CIT: variants seen among roughly 807,000 people sequenced by gnomAD.
The protein encoded by CIT is citron Rho-interacting kinase.
A neutral mutation model predicts 272.7 loss-of-function variants in CIT; 79 were observed. The ratio of observed to expected loss-of-function variants is 0.29; its 90% CI spans 0.24 to 0.35. The LOEUF is 0.35. Ranked by LOEUF, CIT falls within the 10% of genes least tolerant of loss-of-function variation. CIT has a pLI of 1.00. For missense variants in CIT, 1,909 were observed against 2,618.3 expected, an observed-to-expected ratio of 0.73 and a Z score of 5.91; for synonymous variants, 948 against 995.6, an observed-to-expected ratio of 0.95 and a Z score of 0.90.
intron 9 of CIT, among the ~76,000 whole-genome samples, chr12:119,813,919 A>G (rs1966903946): frequency 6.6e-6 from 1 of 151,944 alleles, no homozygotes; most frequent in South Asian, 2.1e-4. Context: ...AGCATTCTGG[A>G]CTTTTTTTTC....
intron 8 of CIT, 68 bp from the exon 9 acceptor site, chr12:119,823,041 G>A: frequency 6.8e-7 from 1 of 1,473,276 alleles, no homozygotes; most frequent in Non-Finnish European, 9.2e-7. Flanking sequence ...GCAAAGTGAA[G>A]AAAGTATTTC....
chr12:119,764,152 C>A (rs73215378), intron 19 of CIT, among the ~76,000 whole-genome samples: 3,527 of 152,296 alleles, frequency 0.023, 48 homozygotes, highest in Non-Finnish European at 0.032. Context: ...GCACACATTT[C>A]ATCCAAGGCC....
chr12:119,833,892 A>C (rs1211998746), intron 6 of CIT, among the ~76,000 whole-genome samples, 194 bp downstream of exon 6: 1 of 151,870 alleles, frequency 6.6e-6, no homozygotes, highest in African/African-American at 2.4e-5. Context: ...GATCTATTGC[A>C]CTGCTGGATA....
At position 119,748,902 on chromosome 12, in the gene CIT, A is replaced by G. The variant is rs574617079; in HGVS notation, c.2904+3148T>C. On this transcript the variant is annotated intron_variant, in intron 23 of 47. Coordinates refer to ENST00000392521, the MANE Select transcript of CIT (RefSeq NM_001206999.2). ...GAGTGATGCTTATACCACATCACAC[A>G]TCGTGTGCTATAAGGTGTGCAGACT... 6.6e-5 allele frequency among the ~76,000 whole-genome samples: 10 copies of G among 152,370 alleles called. No homozygotes were observed. The East Asian group carries it at 1.7e-3, about 26-fold the overall frequency.
intron 22 of CIT, among the ~76,000 whole-genome samples, chr12:119,754,386 C>G (rs1565992802): frequency 6.6e-6 from 1 of 152,210 alleles, no homozygotes; most frequent in African/African-American, 2.4e-5. Flanking sequence ...CTGTACCCTT[C>G]TGTCTTACTA....
chr12:119,837,177 C>T (rs1204008552), intron 5 of CIT, among the ~76,000 whole-genome samples: 1 of 152,140 alleles, frequency 6.6e-6, no homozygotes, highest in African/African-American at 2.4e-5. Flanking sequence ...CCAAAAATTC[C>T]AACAGTGCAC....
intron 3 of CIT, among the ~76,000 whole-genome samples, chr12:119,864,336 G>T (rs1027923348): frequency 6.6e-6 from 1 of 151,736 alleles, no homozygotes; most frequent in African/African-American, 2.4e-5. Context: ...TTTTGAAGGG[G>T]GTGTTGTTTT....
At chr12:119,732,714 TGAGA>T (rs1446922737) in intron 26 of CIT, among the ~76,000 whole-genome samples, 25 of 152,202 alleles carry the variant, frequency 1.6e-4, no homozygotes, top group African/African-American at 5.8e-4. Flanking sequence ...CAAGCAAAAG[TGAGA>T]GATAGATACC....
rs545318362 is a variant in CIT at position 119,761,711 on chromosome 12, C to G, written c.2305-656G>C. ...TCCCTGGTTCTTTCCTCTGATCCAA[C>G]TAGGGGGAGAAAAAAAAGTCACTGG... On this transcript the variant is annotated intron_variant, in intron 19 of 47. Transcript: ENST00000392521. 2.0e-5 allele frequency among the ~76,000 whole-genome samples: 3 copies of G among 152,166 alleles called. No individual in the cohort carries two copies. In the East Asian group the frequency reaches 5.8e-4, roughly 29 times the overall value.
intron 19 of CIT, among the ~76,000 whole-genome samples, chr12:119,762,253 T>C (rs1226679938): frequency 6.6e-6 from 1 of 151,274 alleles, no homozygotes; most frequent in Non-Finnish European, 1.5e-5. Flanking sequence ...TGAAAAAAAA[T>C]AGAATGGAAG....
intron 19 of CIT, among the ~76,000 whole-genome samples, chr12:119,761,383 C>T (rs553179627): frequency 1.4e-4 from 22 of 152,162 alleles, no homozygotes; most frequent in Non-Finnish European, 2.8e-4. Context: ...AACAAGATTG[C>T]TCTAGATCCA....
Position 119,770,644 on chromosome 12 carries a change from C to T in CIT, c.2208+141G>A, listed in dbSNP as rs1963016460. On this transcript the variant is annotated intron_variant, in intron 18 of 47. Coordinates refer to ENST00000392521, the MANE Select transcript of CIT (RefSeq NM_001206999.2). The surrounding 1 kb of genome is among the most constrained non-coding windows in gnomAD (Gnocchi z 4.4). The stretch of plus-strand genomic sequence containing the variant: ...TTATTCATACTACTCTACGATGTGG[C>T]ATATGCTGAAACCACCTCACTCAAT... 5 of 862,212 alleles carry T rather than the reference C, an allele frequency of 5.8e-6. No individual in the cohort carries two copies. The highest frequency in any genetic ancestry group is 1.6e-5 in the South Asian group (1 of 61,442). The allele number at this position is 862,212 out of a possible 1,614,324, so 53.4% of individuals were successfully genotyped here. A position where few individuals can be genotyped will look rare whatever the true frequency, so the allele number is the denominator to read the frequency against.
chr12:119,782,807 C>T (rs1964423376), intron 12 of CIT, 170 bp from the exon 13 acceptor site: 2 of 688,452 alleles, frequency 2.9e-6, no homozygotes, highest in South Asian at 2.2e-5. Context: ...TCCTGTAAAA[C>T]CCCTTGGTTC....
chr12:119,849,666 A>G (rs912828192), intron 5 of CIT, among the ~76,000 whole-genome samples: 42 of 148,424 alleles, frequency 2.8e-4, no homozygotes, highest in African/African-American at 9.9e-4. Flanking sequence ...TCCAACTGTC[A>G]ATGAGGCTGT....
At chr12:119,744,337 A>G (rs1959177159) in intron 23 of CIT, among the ~76,000 whole-genome samples, 1 of 152,108 alleles carries the variant, frequency 6.6e-6, no homozygotes, top group Admixed American at 6.5e-5. Context: ...CTTATGTATG[A>G]AAACCCAAAT....
At chr12:119,829,281 TG>T (rs1968415239) in intron 7 of CIT, among the ~76,000 whole-genome samples, 1 of 151,578 alleles carries the variant, frequency 6.6e-6, no homozygotes, top group Non-Finnish European at 1.5e-5. Context: ...GAGGTTGCAG[TG>T]AGCCAAGGTC....
intron 25 of CIT, 80 bp from the exon 26 acceptor site, chr12:119,734,437 GA>G: frequency 6.9e-7 from 1 of 1,448,428 alleles, no homozygotes; most frequent in Non-Finnish European, 9.6e-7. Flanking sequence ...GTCAGTTTCA[GA>G]AAAGCACAAG....
At chr12:119,876,713 A>G (rs554832180) in intron 1 of CIT, among the ~76,000 whole-genome samples, 4 of 152,280 alleles carry the variant, frequency 2.6e-5, no homozygotes, top group African/African-American at 9.6e-5. Context: ...AGCCATGTTG[A>G]TATCTGGGGA....
In CIT at chr12:119,796,742, A is replaced by T. The variant is rs529861727; in HGVS notation, c.1295+6464T>A. ...CAACTAGAAAGATAACTGAGGATGG[A>T]ACTTGAGGAGATGGTACGTACATTG... On this transcript the variant is annotated intron_variant, in intron 10 of 47. Transcript: ENST00000392521. Among the ~76,000 whole-genome samples, 17 of 152,320 alleles carry T rather than the reference A, an allele frequency of 1.1e-4. No homozygotes were observed. The South Asian group carries it at 3.5e-3, about 32-fold the overall frequency.
Sources: allele counts gnomAD v4.1 joint callset (sites outside exome capture counted in the v4.1 genomes callset), GRCh38; gene constraint gnomAD v4.1.1; non-coding constraint Gnocchi (gnomAD v3.1); transcripts MANE v1.5; gene names NCBI Gene and HGNC (gene_info 2026-07-23, HGNC 2026-07-21).